The following NEK10 variants were observed in gnomAD, a reference collection of about 807,000 sequenced individuals.
NEK10 encodes the protein NIMA related kinase 10, also known as serine/threonine-protein kinase Nek10.
NEK10 carries 122 observed loss-of-function variants against 159.8 expected under a neutral mutation model. That is an observed-to-expected ratio of 0.76 (90% CI 0.66 to 0.89). The LOEUF (loss-of-function observed/expected upper bound fraction) is 0.89, where lower values mean the gene tolerates loss of function less well. Ranked by LOEUF, NEK10 falls within the 40% of genes least tolerant of loss-of-function variation. The pLI is 0.00. For synonymous variants in NEK10, 466 were observed against 457.1 expected (o/e 1.02, Z -0.25); for missense variants, 1,342 against 1,323.1 (o/e 1.01, Z -0.22).
intron 26 of NEK10, among the ~76,000 whole-genome samples, chr3:27,185,367 AT>A (rs896382617): frequency 3.4e-5 from 5 of 148,348 alleles, no homozygotes; most frequent in South Asian, 2.2e-4. Flanking sequence ...AAGATCAGAT[AT>A]TTTTTTTGGA....
chr3:27,214,861 G>C, intron 23 of NEK10: 1 of 1,231,904 alleles, frequency 8.1e-7, no homozygotes, highest in South Asian at 1.2e-5. Context: ...GACAGTTGGA[G>C]TAAGCCATTC....
chr3:27,351,813 T>G (rs1171215680), intron 3 of NEK10, among the ~76,000 whole-genome samples: 1 of 152,096 alleles, frequency 6.6e-6, no homozygotes, highest in Non-Finnish European at 1.5e-5. Context: ...GTGTCTGCTA[T>G]TTTCATTATT....
At chr3:27,162,297 T>C in intron 30 of NEK10, 1 of 1,255,382 alleles carries the variant, frequency 8.0e-7, no homozygotes, top group Non-Finnish European at 1.1e-6. Flanking sequence ...GGCATTTTGT[T>C]ACCATCAAAT....
rs950046702 is a variant in NEK10 at position 27,339,794 on chromosome 3, A to C, written c.362+4478T>G. Reference sequence around the variant, plus strand: ...ACTCCATCTCAAAAAAAAAAAAAAAAAACCCACAATGAGATAGCATCTCAC... The same window carrying C: ...ACTCCATCTCAAAAAAAAAAAAAAACAACCCACAATGAGATAGCATCTCAC... On this transcript the variant is annotated intron_variant, in intron 5 of 35. Transcript: ENST00000691995. Among the ~76,000 whole-genome samples the C allele has an allele frequency of 2.6e-3, 399 of 151,898 alleles. 3 individuals are homozygous for C. Among genetic ancestry groups the C allele is most frequent in the African/African-American group, 9.4e-3 (388 of 41,482 alleles).
At chr3:27,306,464 C>A (rs2044252729) in intron 11 of NEK10, among the ~76,000 whole-genome samples, 1 of 152,170 alleles carries the variant, frequency 6.6e-6, no homozygotes, top group Admixed American at 6.5e-5. Flanking sequence ...CACGAACTTT[C>A]CCAGCCTCTC....
intron 32 of NEK10, among the ~76,000 whole-genome samples, chr3:27,130,994 A>G (rs1213278281): frequency 6.6e-6 from 1 of 152,216 alleles, no homozygotes; most frequent in Non-Finnish European, 1.5e-5. Flanking sequence ...ATGTGAAACA[A>G]CAAAGCTAAA....
intron 23 of NEK10, among the ~76,000 whole-genome samples, chr3:27,230,324 G>A (rs1953107436): frequency 6.6e-6 from 1 of 151,980 alleles, no homozygotes; most frequent in Non-Finnish European, 1.5e-5. Flanking sequence ...AAATGCTGAG[G>A]GAATTTGCCA....
intron 31 of NEK10, among the ~76,000 whole-genome samples, chr3:27,133,915 C>G (rs1942908151): frequency 6.6e-6 from 1 of 152,210 alleles, no homozygotes; most frequent in African/African-American, 2.4e-5. Context: ...TGAGTCTCCT[C>G]TGACCTCTTT....
At chr3:27,221,811 C>T (rs1369877563) in intron 23 of NEK10, among the ~76,000 whole-genome samples, 1 of 152,198 alleles carries the variant, frequency 6.6e-6, no homozygotes, top group African/African-American at 2.4e-5. Flanking sequence ...GCTTTCCTAG[C>T]TCAGGCACTT....
chr3:27,367,455 T>A (rs933209318), intron 1 of NEK10: 9 of 152,234 alleles, frequency 5.9e-5, no homozygotes, highest in African/African-American at 1.9e-4. Context: ...TGAAGTAGTT[T>A]CCAATTACTA....
intron 23 of NEK10, among the ~76,000 whole-genome samples, chr3:27,211,835 A>ATTG: frequency 6.6e-6 from 1 of 152,228 alleles, no homozygotes; most frequent in African/African-American, 2.4e-5. Flanking sequence ...TGATTGATTG[A>ATTG]AAATTTATTA....
chr3:27,302,629 T>C (rs1424500868), intron 12 of NEK10, among the ~76,000 whole-genome samples: 1 of 152,238 alleles, frequency 6.6e-6, no homozygotes, highest in Admixed American at 6.5e-5. Flanking sequence ...TTTCACCTGC[T>C]TTGTTCCCTT....
intron 29 of NEK10, among the ~76,000 whole-genome samples, chr3:27,163,459 C>A (rs1946205985): frequency 6.6e-6 from 1 of 152,114 alleles, no homozygotes; most frequent in Non-Finnish European, 1.5e-5. Flanking sequence ...TCACGCCATT[C>A]TCCTGCCTCA....
At chr3:27,303,023 C>T (rs17019654) in intron 12 of NEK10, among the ~76,000 whole-genome samples, 4,082 of 152,244 alleles carry the variant, frequency 0.027, 188 homozygotes, top group African/African-American at 0.093. Context: ...AGCCTGGAAA[C>T]GTCTACCCCT....
chr3:27,238,205 A>T (rs1419286252), intron 23 of NEK10, among the ~76,000 whole-genome samples: 1 of 152,220 alleles, frequency 6.6e-6, no homozygotes, highest in Non-Finnish European at 1.5e-5. Context: ...GATTGGCTGA[A>T]TGAATCATGA....
chr3:27,189,317 A>G (rs999266857), intron 26 of NEK10, among the ~76,000 whole-genome samples: 3 of 152,104 alleles, frequency 2.0e-5, no homozygotes, highest in African/African-American at 7.2e-5. Flanking sequence ...AAGTAAATAG[A>G]ATACTTCCCC....
intron 31 of NEK10, among the ~76,000 whole-genome samples, chr3:27,134,726 C>A (rs1024751514): frequency 1.3e-5 from 2 of 152,108 alleles, no homozygotes; most frequent in Admixed American, 6.6e-5. Flanking sequence ...ATTGATCTTA[C>A]TGGAATAATT....
At chr3:27,166,321 T>C (rs887250304) in intron 29 of NEK10, among the ~76,000 whole-genome samples, 4 of 152,198 alleles carry the variant, frequency 2.6e-5, no homozygotes, top group African/African-American at 9.6e-5. Flanking sequence ...AAATGAGCAA[T>C]AAACCAGGAA....
At chr3:27,243,089 A>C (rs1320160637) in intron 23 of NEK10, among the ~76,000 whole-genome samples, 1 of 152,174 alleles carries the variant, frequency 6.6e-6, no homozygotes, top group Non-Finnish European at 1.5e-5. Context: ...CTTGAATTTC[A>C]AAATATTGGC....
Sources: gnomAD v4.1 joint callset for allele counts (sites outside exome capture counted in the v4.1 genomes callset) on GRCh38, gnomAD v4.1.1 for gene constraint, MANE v1.5 for transcripts, NCBI Gene and HGNC (gene_info 2026-07-23, HGNC 2026-07-21) for gene names.